Variants in DOCK2 observed in about 807,000 individuals in gnomAD.
DOCK2 encodes dedicator of cytokinesis 2, also known as dedicator of cytokinesis protein 2.
A neutral mutation model predicts 248.9 loss-of-function variants in DOCK2; 87 were observed. The observed-to-expected ratio is 0.35, with a 90% CI of 0.29 to 0.42. The LOEUF (loss-of-function observed/expected upper bound fraction) is 0.42. Among genes scored for constraint, DOCK2 ranks in the 10% least tolerant of loss-of-function variants. The pLI is 1.00. For missense variants in DOCK2, 1,747 were observed against 2,300.2 expected (o/e 0.76, Z 4.92); for synonymous variants, 805 against 821.6 (o/e 0.98, Z 0.35).
chr5:169,888,708 A>G (rs986692127), intron 27 of DOCK2, among the ~76,000 whole-genome samples: 11 of 152,226 alleles, frequency 7.2e-5, no homozygotes, highest in African/African-American at 2.4e-4. Flanking sequence ...GGAACAAGTG[A>G]CTTGATCTTT....
In DOCK2 at chr5:169,669,259, G is replaced by A. The variant is rs192931789; in HGVS notation, c.128-29G>A. ...TAGCAACAAACTTGTAATAAATGAGGGAACTGTTTCTTTGTTTTCTTTTTG... is the reference window on the plus strand; with the variant it reads ...TAGCAACAAACTTGTAATAAATGAGAGAACTGTTTCTTTGTTTTCTTTTTG... On this transcript the variant is annotated intron_variant, in intron 2 of 51. Coordinates refer to ENST00000520908, the MANE Select transcript of DOCK2 (RefSeq NM_004946.3). 1,150 of 1,612,358 alleles carry A rather than the reference G, an allele frequency of 7.1e-4. 2 individuals carry two copies. The highest frequency in any genetic ancestry group is 6.5e-3 in the African/African-American group (490 of 74,914).
rs1764479614 is a variant in DOCK2, at chr5:169,761,380, A to G, written c.2448-139A>G. On this transcript the variant is annotated intron_variant, in intron 24 of 51. Transcript: ENST00000520908. ...AGAACAACTTGTACATTTTTACTGA[A>G]GGCTTACCTTGCACCTCATGCTCTG... is the stretch of plus-strand genomic sequence containing the variant. 7.5e-6 allele frequency: 5 copies of G among 667,810 alleles called. No individual in the cohort carries two copies. In the East Asian group the frequency reaches 1.3e-4, roughly 17 times the overall value. 41.4% of individuals were successfully genotyped at this position (667,810 alleles called of 1,614,324 possible).
chr5:169,842,846 A>G (rs1189734490), intron 27 of DOCK2, among the ~76,000 whole-genome samples: 2 of 152,048 alleles, frequency 1.3e-5, no homozygotes, highest in African/African-American at 4.8e-5. Flanking sequence ...GCAAGTAACT[A>G]CTCAGTACTG....
At chr5:169,843,753 A>G (rs1483738646) in intron 27 of DOCK2, among the ~76,000 whole-genome samples, 3 of 152,264 alleles carry the variant, frequency 2.0e-5, no homozygotes, top group East Asian at 3.8e-4. Flanking sequence ...TCTACTTTTC[A>G]TCTCCATAGA....
chr5:169,766,724 T>C (rs1169211309), intron 25 of DOCK2, among the ~76,000 whole-genome samples: 24 of 152,196 alleles, frequency 1.6e-4, no homozygotes, highest in Admixed American at 1.5e-3. Flanking sequence ...ATGCATCCCC[T>C]TTTCACCAAA....
chr5:169,930,377 C>T (rs938376900), intron 27 of DOCK2, among the ~76,000 whole-genome samples: 3 of 152,180 alleles, frequency 2.0e-5, no homozygotes, highest in Admixed American at 6.5e-5. Flanking sequence ...TATGCACTCA[C>T]GACTGGGGTT....
chr5:169,750,978 T>C (rs1763864458), intron 23 of DOCK2, among the ~76,000 whole-genome samples: 1 of 152,232 alleles, frequency 6.6e-6, no homozygotes, highest in African/African-American at 2.4e-5. Flanking sequence ...GATGTGGACA[T>C]GTAGCCTTAG....
chr5:169,727,918 G>C (rs1275382986), intron 22 of DOCK2, among the ~76,000 whole-genome samples: 1 of 152,204 alleles, frequency 6.6e-6, no homozygotes, highest in Non-Finnish European at 1.5e-5. Flanking sequence ...AGAAAGGTTA[G>C]TTCGTGGAAG....
At chr5:169,978,627 T>A (rs970736897) in intron 27 of DOCK2, among the ~76,000 whole-genome samples, 81 of 152,246 alleles carry the variant, frequency 5.3e-4, no homozygotes, top group African/African-American at 1.8e-3. Flanking sequence ...TTCTTCTCTC[T>A]CACCATCACA....
intron 27 of DOCK2, among the ~76,000 whole-genome samples, chr5:169,877,407 G>A (rs755748711): frequency 6.6e-5 from 10 of 152,176 alleles, no homozygotes; most frequent in African/African-American, 1.7e-4. Context: ...CTGAACCTGC[G>A]GCAGAGGAAT....
At chr5:169,677,253 T>C (rs954173838) in intron 6 of DOCK2, among the ~76,000 whole-genome samples, 2 of 152,196 alleles carry the variant, frequency 1.3e-5, no homozygotes, top group Non-Finnish European at 2.9e-5. Flanking sequence ...ATAGGAGCTA[T>C]CAGGCAAATT....
intron 38 of DOCK2, 145 bp downstream of exon 38, chr5:170,042,277 A>G: frequency 9.4e-7 from 1 of 1,067,144 alleles, no homozygotes; most frequent in Non-Finnish European, 1.3e-6. Context: ...CTTCCTCTCC[A>G]TCTCCATTCC....
intron 25 of DOCK2, among the ~76,000 whole-genome samples, chr5:169,775,914 G>A (rs553847707): frequency 6.6e-6 from 1 of 151,032 alleles, no homozygotes; most frequent in Non-Finnish European, 1.5e-5. Flanking sequence ...TGCTAAGGGG[G>A]GCCTTGGACC....
chr5:170,039,389 G>T (rs1406838609), intron 36 of DOCK2, among the ~76,000 whole-genome samples: 1 of 152,134 alleles, frequency 6.6e-6, no homozygotes, highest in African/African-American at 2.4e-5. Context: ...TGTATCTGAT[G>T]ATTTGATTCA....
At chr5:169,947,564 C>T (rs1490797451) in intron 27 of DOCK2, among the ~76,000 whole-genome samples, 1 of 152,242 alleles carries the variant, frequency 6.6e-6, no homozygotes, top group East Asian at 1.9e-4. Context: ...GCCCTGGCAT[C>T]TGGGCCTTTC....
chr5:169,639,781 T>C (rs1757047734), intron 1 of DOCK2, among the ~76,000 whole-genome samples: 2 of 152,232 alleles, frequency 1.3e-5, no homozygotes, highest in African/African-American at 4.8e-5. Flanking sequence ...TAGGCAGCCA[T>C]GTACCCAGCT....
At chr5:169,654,346 G>C in intron 1 of DOCK2, 57 bp from the exon 2 acceptor site, 1 of 1,592,360 alleles carries the variant, frequency 6.3e-7, no homozygotes, top group Non-Finnish European at 8.6e-7. Context: ...GCAGGAAGGA[G>C]CAGAGACTAA....
intron 27 of DOCK2, among the ~76,000 whole-genome samples, chr5:169,872,362 T>C (rs1772035059): frequency 6.6e-6 from 1 of 152,206 alleles, no homozygotes; most frequent in African/African-American, 2.4e-5. Flanking sequence ...ACAGGAACTT[T>C]AGTTTGTATG....
chr5:169,870,532 A>G lies in DOCK2; in HGVS notation c.2799+29680A>G, dbSNP rs201129449. Among the ~76,000 whole-genome samples, 6 of 152,258 alleles carry G rather than the reference A, an allele frequency of 3.9e-5. No individual in the cohort carries two copies. The East Asian group carries it at 1.2e-3, about 29-fold the overall frequency. ...TAACAGAAGCCTCTCAGTTGTATAT[A>G]ACTTTTGAATTTGCAAAGTATTTTA... On this transcript the variant is annotated intron_variant, in intron 27 of 51. Transcript: ENST00000520908.
Sources: gnomAD v4.1 joint callset for allele counts (sites outside exome capture counted in the v4.1 genomes callset) on GRCh38, gnomAD v4.1.1 for gene constraint, MANE v1.5 for transcripts, NCBI Gene and HGNC (gene_info 2026-07-23, HGNC 2026-07-21) for gene names.